Variants in GAK observed in about 807,000 individuals in gnomAD.
GAK encodes the protein cyclin-G-associated kinase.
A neutral mutation model predicts 143.9 loss-of-function variants in GAK; 79 were observed. The ratio of observed to expected loss-of-function variants is 0.55; its 90% CI spans 0.46 to 0.66. GAK has a LOEUF of 0.66. GAK is among the 30% of genes least tolerant of loss of function. GAK has a pLI of 0.00. For synonymous variants in GAK, 881 were observed against 765.5 expected (o/e 1.15, Z -2.49); for missense variants, 1,693 against 1,779.7 (o/e 0.95, Z 0.88).
chr4:908,361 G>A (rs1419923970), intron 4 of GAK, among the ~76,000 whole-genome samples: 6 of 152,152 alleles, frequency 3.9e-5, no homozygotes, highest in Non-Finnish European at 5.9e-5. Context: ...GGAACGAAGC[G>A]ACCGCACCAC....
intron 1 of GAK, among the ~76,000 whole-genome samples, chr4:929,611 C>T (rs550804971): frequency 8.6e-5 from 13 of 151,874 alleles, no homozygotes; most frequent in African/African-American, 2.7e-4. Flanking sequence ...CCCAGCTACT[C>T]GGGAGGCCGA....
intron 23 of GAK, among the ~76,000 whole-genome samples, chr4:861,688 C>A (rs1750302283): frequency 6.6e-6 from 1 of 152,242 alleles, no homozygotes; most frequent in Non-Finnish European, 1.5e-5. Flanking sequence ...AATGAGAATG[C>A]CACTCCAGTG....
intron 27 of GAK, 57 bp from the exon 28 acceptor site, chr4:849,831 A>AGG (rs1560264037): frequency 3.9e-5 from 39 of 998,936 alleles, no homozygotes; most frequent in Non-Finnish European, 4.9e-5. Flanking sequence ...CGGGCGGGGC[A>AGG]GGACCCCCCC....
intron 4 of GAK, among the ~76,000 whole-genome samples, chr4:908,599 T>C (rs1577268392): frequency 9.6e-6 from 1 of 103,842 alleles, no homozygotes; most frequent in South Asian, 3.9e-4. Context: ...CCTGGCAACA[T>C]AGTGAGACTC....
intron 1 of GAK, among the ~76,000 whole-genome samples, chr4:928,990 G>C (rs979051138): frequency 1.3e-5 from 2 of 148,310 alleles, no homozygotes; most frequent in African/African-American, 4.9e-5. Flanking sequence ...TCGAACTCCC[G>C]ATCTCAGGTA....
At chr4:885,009 G>C (rs1386128499) in intron 11 of GAK, among the ~76,000 whole-genome samples, 4 of 151,778 alleles carry the variant, frequency 2.6e-5, no homozygotes, top group African/African-American at 9.7e-5. Flanking sequence ...GCTGACATAG[G>C]ATGCGGGTCT....
chr4:879,921 G>A (rs1188632118), intron 15 of GAK, among the ~76,000 whole-genome samples: 3 of 152,204 alleles, frequency 2.0e-5, no homozygotes, highest in Admixed American at 6.5e-5. Flanking sequence ...CAGCGATGTC[G>A]AAGGCGTTCT....
rs1398364496 is a variant in GAK at position 913,914 on chromosome 4, C to T, written c.146-246G>A. ...CACAGCCCCAGCGTGCACGGCCCCA[C>T]ACACACACACAGCCCCAGCGTGCAC... On this transcript the variant is annotated intron_variant, in intron 1 of 27. Coordinates refer to ENST00000314167, the MANE Select transcript of GAK (RefSeq NM_005255.4). 14 of 255,880 alleles carry T rather than the reference C, an allele frequency of 5.5e-5. 1 individual carries two copies. The African/African-American group carries it at 1.0e-3, about 19-fold the overall frequency. The allele number at this position is 255,880 out of a possible 1,614,324, so 15.9% of individuals were successfully genotyped here.
At chr4:889,733 C>T (rs1717276820) in intron 10 of GAK, among the ~76,000 whole-genome samples, 1 of 152,214 alleles carries the variant, frequency 6.6e-6, no homozygotes, top group Non-Finnish European at 1.5e-5. Flanking sequence ...GAGGGGTCAG[C>T]GCCATGCAGA....
intron 7 of GAK, among the ~76,000 whole-genome samples, chr4:895,524 T>C (rs78417068): frequency 6.6e-6 from 1 of 152,178 alleles, no homozygotes; most frequent in Non-Finnish European, 1.5e-5. Context: ...GCCCACATAC[T>C]GTCTCAGCCT....
At chr4:852,204 A>C in intron 24 of GAK, 1 of 597,674 alleles carries the variant, frequency 1.7e-6, no homozygotes, top group Non-Finnish European at 3.0e-6. Context: ...TGGAGGGCAG[A>C]CACCAGGACA....
At chr4:901,504 G>A (rs1719872001) in intron 5 of GAK, among the ~76,000 whole-genome samples, 1 of 152,258 alleles carries the variant, frequency 6.6e-6, no homozygotes, top group South Asian at 2.1e-4. Context: ...GGGCCCAGGT[G>A]GCTGCATGGG....
At chr4:881,741 C>A (rs2279187) in intron 15 of GAK, among the ~76,000 whole-genome samples, 166 bp downstream of exon 15, 4 of 152,230 alleles carry the variant, frequency 2.6e-5, no homozygotes, top group African/African-American at 9.6e-5. Flanking sequence ...CCGGGCTCTG[C>A]GGCCGTAAGC....
chr4:892,613 C>T (rs765968299), intron 9 of GAK, among the ~76,000 whole-genome samples: 25 of 152,208 alleles, frequency 1.6e-4, no homozygotes, highest in African/African-American at 4.1e-4. Context: ...CAGCAGCCAC[C>T]GGTGCCTGGG....
chr4:904,525 C>T, intron 5 of GAK, 112 bp downstream of exon 5: 3 of 804,274 alleles, frequency 3.7e-6, no homozygotes, highest in Non-Finnish European at 5.7e-6. Flanking sequence ...GACCCGCACA[C>T]AGAGGCCTCA....
In GAK at chr4:851,966, C is replaced by A; in HGVS notation, c.3292G>T (p.Ala1098Ser). 6.2e-7 allele frequency: 1 copy of A among 1,613,414 alleles called. No homozygotes were observed. Among genetic ancestry groups the A allele is most frequent in the Non-Finnish European group, 8.5e-7 (1 of 1,179,670 alleles). The change falls in exon 25 of 28, where the codon GCT (alanine) becomes TCT (serine). Residue 1098 changes from alanine (A) to serine (S), a missense_variant. Transcript: ENST00000314167. ...DLSSGLQGSP[A>S]GFPPGGFIPK... ...ATGAAGCCCCCAGGAGGGAATCCAG[C>A]TGGTGAGCCTGTGGAGATGGAGATC...
At chr4:902,926 TTCAACTTCA>T (rs914854423) in intron 5 of GAK, among the ~76,000 whole-genome samples, 1 of 152,134 alleles carries the variant, frequency 6.6e-6, no homozygotes, top group Admixed American at 6.5e-5. Flanking sequence ...ATAACAAACA[TTCAACTTCA>T]TTAACATCAG....
At chr4:907,049 C>G (rs1161209486) in intron 4 of GAK, among the ~76,000 whole-genome samples, 1 of 152,264 alleles carries the variant, frequency 6.6e-6, no homozygotes, top group Admixed American at 6.5e-5. Context: ...TCAGCTGTGT[C>G]TGGCGAGTCA....
At chr4:881,859 A>T (rs899286985) in intron 15 of GAK, 48 bp downstream of exon 15, 1 of 1,525,528 alleles carries the variant, frequency 6.6e-7, no homozygotes, top group Non-Finnish European at 8.9e-7. Context: ...CGGCAGTGCC[A>T]CACGGGCCCA....
Sources: allele counts gnomAD v4.1 joint callset (sites outside exome capture counted in the v4.1 genomes callset), GRCh38; gene constraint gnomAD v4.1.1; transcripts MANE v1.5; gene names NCBI Gene and HGNC (gene_info 2026-07-23, HGNC 2026-07-21).